Variants in MPV17 observed in about 807,000 individuals in gnomAD.
MPV17 encodes mitochondrial inner membrane protein MPV17, also known as MPV17, mitochondrial inner membrane protein.
Under a neutral mutation model 28.6 loss-of-function variants are expected in MPV17, and 31 were observed. The observed-to-expected ratio is 1.08, with a 90% CI of 0.81 to 1.46. MPV17 has a LOEUF of 1.46. Among genes scored for constraint, MPV17 ranks in the 40% most tolerant of loss-of-function variants. The probability of loss-of-function intolerance (pLI) is 0.00; values close to 1 mark genes in which losing one functional copy is unlikely to be tolerated. For missense variants in MPV17, 198 were observed against 216.2 expected (o/e 0.92, Z 0.53); for synonymous variants, 87 against 85.3 (o/e 1.02, Z -0.11).
intron 2 of MPV17, among the ~76,000 whole-genome samples, chr2:27,314,904 G>A (rs943413323): frequency 6.6e-6 from 1 of 152,214 alleles, no homozygotes; most frequent in African/African-American, 2.4e-5. Context: ...GGCCGGCCCT[G>A]CCCCTGAGCA....
intron 2 of MPV17, chr2:27,316,300 A>C: frequency 7.9e-7 from 1 of 1,270,416 alleles, no homozygotes; most frequent in Non-Finnish European, 1.1e-6. Context: ...TTCTAGCCCC[A>C]TAGTTCTGGA....
rs1004628047 is a variant in MPV17, at chr2:27,311,754, G to A, written c.461+145C>T. On this transcript the variant is annotated intron_variant, in intron 7 of 7. Transcript: ENST00000380044. Reference sequence around the variant, plus strand: ...AATGGCAAGACATTCTGAATAACACGCTTGGGAATCTGAGGAACTCTGATC... The same window carrying A: ...AATGGCAAGACATTCTGAATAACACACTTGGGAATCTGAGGAACTCTGATC... 5 of 1,557,666 alleles carry A rather than the reference G, an allele frequency of 3.2e-6. No homozygotes were observed. In the South Asian group the frequency reaches 3.5e-5, roughly 11 times the overall value.
In MPV17 at chr2:27,309,797, T is replaced by A. The variant is rs188354035; in HGVS notation, c.*115A>T. The A allele has an allele frequency of 1.2e-6, 1 of 802,256 alleles. No individual in the cohort carries two copies. The highest frequency in any genetic ancestry group is 1.7e-5 in the African/African-American group (1 of 59,486). 49.7% of individuals were successfully genotyped at this position (802,256 alleles called of 1,614,324 possible). A position where few individuals can be genotyped will look rare whatever the true frequency, so the allele number is the denominator to read the frequency against. ...TTGCAGGGTGCTAGTCCTCTTAAGC[T>A]CTGACCGGCAACCCAACCCCGTGGA... On this transcript the variant is annotated 3_prime_UTR_variant, in exon 8 of 8. Transcript: ENST00000380044.
At position 27,317,359 on chromosome 2, in the gene MPV17, T is replaced by C; in HGVS notation, c.71-4250A>G. The C allele has an allele frequency of 1.2e-6, 1 of 817,812 alleles. No individual in the cohort carries two copies. The highest frequency in any genetic ancestry group is 1.8e-6 in the Non-Finnish European group (1 of 551,092). The allele number at this position is 817,812 out of a possible 1,614,324, so 50.7% of individuals were successfully genotyped here. Reference sequence around the variant, plus strand: ...ATTATTCTGAATGCTCTCCCATTTCTGACCTGAACCCATCCTACTGCTAGA... The same window carrying C: ...ATTATTCTGAATGCTCTCCCATTTCCGACCTGAACCCATCCTACTGCTAGA... On this transcript the variant is annotated intron_variant, in intron 2 of 7. Coordinates refer to ENST00000380044, the MANE Select transcript of MPV17 (RefSeq NM_002437.5). The surrounding 1 kb of genome is among the most constrained non-coding windows in gnomAD (Gnocchi z 4.0).
At chr2:27,313,761 A>G (rs970729963) in intron 2 of MPV17, among the ~76,000 whole-genome samples, 6 of 152,068 alleles carry the variant, frequency 3.9e-5, no homozygotes, top group Non-Finnish European at 7.4e-5. Context: ...TGTCCAGGCT[A>G]GAGTGCAGTG....
At chr2:27,313,917 A>C (rs1220981721) in intron 2 of MPV17, among the ~76,000 whole-genome samples, 1 of 152,118 alleles carries the variant, frequency 6.6e-6, no homozygotes, top group East Asian at 1.9e-4. Context: ...TTGCCATGTT[A>C]GCCAGGCTGA....
In MPV17 at chr2:27,322,375, G is replaced by A. The variant is rs1679891809; in HGVS notation, c.70+73C>T. On this transcript the variant is annotated intron_variant, in intron 2 of 7. Transcript: ENST00000380044. ...CGAATAGAAACAGGAAGTGAGGGTG[G>A]TGCAGTGGGGCAAGCCTCTGGCTTC... The A allele has an allele frequency of 6.6e-6, 8 of 1,221,000 alleles. No individual in the cohort carries two copies. In the South Asian group the frequency reaches 9.6e-5, roughly 15 times the overall value. 75.6% of individuals were successfully genotyped at this position (1,221,000 alleles called of 1,614,324 possible).
intron 1 of MPV17, 118 bp from the exon 2 acceptor site, chr2:27,322,640 G>A: frequency 5.0e-6 from 4 of 800,856 alleles, no homozygotes; most frequent in Admixed American, 1.9e-5. Context: ...TGACTTAAAG[G>A]GGCAGAGGCC....
chr2:27,318,700 G>A (rs34208982), intron 2 of MPV17, among the ~76,000 whole-genome samples: 5,394 of 152,060 alleles, frequency 0.035, 210 homozygotes, highest in African/African-American at 0.094. Context: ...GGCAGATAAA[G>A]GTTTCTTCTT....
At position 27,311,912 on chromosome 2, in the gene MPV17, GGAC is replaced by G. The variant is rs1679456441; in HGVS notation, c.445_447del (p.Val149del). On this transcript the variant is annotated inframe_deletion, in exon 7 of 8. Transcript: ENST00000380044. Reference sequence around the variant, plus strand: ...GGTGCAACATACCTGTAATGAAGGGGGACCAGGTAGAAGTTGGCTAACTGCACA... The same window carrying G: ...GGTGCAACATACCTGTAATGAAGGGGCAGGTAGAAGTTGGCTAACTGCACA... 1 of 1,613,674 alleles carries G rather than the reference GGAC, an allele frequency of 6.2e-7. No homozygotes were observed. Among genetic ancestry groups the G allele is most frequent in the Admixed American group, 1.7e-5 (1 of 59,972 alleles).
chr2:27,322,292 C>T, intron 2 of MPV17, 156 bp downstream of exon 2: 1 of 741,884 alleles, frequency 1.3e-6, no homozygotes, highest in South Asian at 1.5e-5. Flanking sequence ...TGGGGACCAC[C>T]CTCCAAAACA....
chr2:27,313,649 A>G (rs569151849), intron 2 of MPV17, among the ~76,000 whole-genome samples: 1 of 152,314 alleles, frequency 6.6e-6, no homozygotes, highest in South Asian at 2.1e-4. Flanking sequence ...CCCAAGCCCA[A>G]TGCAAGACCC....
chr2:27,322,461 C>T lies in MPV17; in HGVS notation c.57G>A (p.Gln19=). ...AGGGACACTCACCAGCTGTCAGGAC[C>T]TGTACTTTCCACGGGTGAGCGGCCA... The part of the protein sequence containing the change: ...RALAAHPWKV[Q]VLTAGSLMGL... Residue 19 remains glutamine (Q), a synonymous_variant, in exon 2 of 8, where the codon CAG becomes CAA. Coordinates refer to ENST00000380044, the MANE Select transcript of MPV17 (RefSeq NM_002437.5). The T allele has an allele frequency of 6.2e-7, 1 of 1,614,068 alleles. No individual in the cohort carries two copies. The highest frequency in any genetic ancestry group is 8.5e-7 in the Non-Finnish European group (1 of 1,179,982).
intron 7 of MPV17, 48 bp from the exon 8 acceptor site, chr2:27,310,029 A>G (rs779813081): frequency 6.9e-7 from 1 of 1,446,362 alleles, no homozygotes; most frequent in East Asian, 2.3e-5. Flanking sequence ...CTAAGCAGTG[A>G]GCAAGGGCTG....
chr2:27,317,054 C>A lies in MPV17; in HGVS notation c.71-3945G>T. On this transcript the variant is annotated intron_variant, in intron 2 of 7. Transcript: ENST00000380044. This position sits in a 1 kb window ranked among gnomAD's most constrained non-coding sequence, Gnocchi z 4.0. ...CATGGGCAGGGTAAATTCCCTACTT[C>A]TCCTATTTTGTTCCTCTACTTACTT... The A allele has an allele frequency of 6.5e-7, 1 of 1,537,222 alleles. No homozygotes were observed.
At chr2:27,320,911 A>T (rs1364261977) in intron 2 of MPV17, among the ~76,000 whole-genome samples, 3 of 152,140 alleles carry the variant, frequency 2.0e-5, no homozygotes, top group African/African-American at 7.2e-5. Flanking sequence ...AAAAGTCTGG[A>T]TGGTCTGAAA....
Position 27,317,210 on chromosome 2 carries a change from C to G in MPV17, c.71-4101G>C. 6.5e-7 allele frequency: 1 copy of G among 1,549,502 alleles called. No individual in the cohort carries two copies. Among genetic ancestry groups the G allele is most frequent in the Non-Finnish European group, 8.7e-7 (1 of 1,146,528 alleles). ...GGTATAGCTACTGGCATGGGGCCAG[C>G]AGTGCTGCCTTCCTCCCCAGAAGTC... On this transcript the variant is annotated intron_variant, in intron 2 of 7. Coordinates refer to ENST00000380044, the MANE Select transcript of MPV17 (RefSeq NM_002437.5). The surrounding 1 kb of genome is among the most constrained non-coding windows in gnomAD (Gnocchi z 4.0).
intron 2 of MPV17, among the ~76,000 whole-genome samples, chr2:27,313,748 T>C (rs1168473396): frequency 6.6e-6 from 1 of 152,158 alleles, no homozygotes; most frequent in East Asian, 1.9e-4. Context: ...AGTCTCACTC[T>C]GTTGTCCAGG....
chr2:27,311,339 G>C (rs1679431593), intron 7 of MPV17: 1 of 495,766 alleles, frequency 2.0e-6, no homozygotes, highest in African/African-American at 1.9e-5. Flanking sequence ...AGAATTACAG[G>C]TGTGAGCCAC....
Sources: allele counts gnomAD v4.1 joint callset (sites outside exome capture counted in the v4.1 genomes callset), GRCh38; gene constraint gnomAD v4.1.1; non-coding constraint Gnocchi (gnomAD v3.1); transcripts MANE v1.5; gene names NCBI Gene and HGNC (gene_info 2026-07-23, HGNC 2026-07-21).